Variants in PLXNA4 observed in about 807,000 individuals in gnomAD.
PLXNA4 encodes plexin-A4.
In PLXNA4, 44 loss-of-function variants were observed where a neutral mutation model predicts 191.8. That is an observed-to-expected ratio of 0.23 (90% CI 0.18 to 0.29). PLXNA4 has a LOEUF of 0.29. Among genes scored for constraint, PLXNA4 ranks in the 10% least tolerant of loss-of-function variants. The pLI is 1.00. For synonymous variants in PLXNA4, 1,082 were observed against 1,009.5 expected, an observed-to-expected ratio of 1.07 and a Z score of -1.36; for missense variants, 1,800 against 2,488.8, an observed-to-expected ratio of 0.72 and a Z score of 5.89.
Position 132,347,166 on chromosome 7 carries a change from G to T in PLXNA4, c.1372-48944C>A, listed in dbSNP as rs927770193. Among the ~76,000 whole-genome samples, 8 of 152,218 alleles carry T rather than the reference G, an allele frequency of 5.3e-5. No homozygotes were observed. The South Asian group carries it at 8.3e-4, about 16-fold the overall frequency. On this transcript the variant is annotated intron_variant, in intron 3 of 31. Transcript: ENST00000321063. ...TCCCTCTCCCCAGTGGAATAACTTG[G>T]ATTAAATAGCATCAAAGCACTCTCA...
At chr7:132,581,042 C>T (rs571988087), upstream of PLXNA4, among the ~76,000 whole-genome samples, 1 of 152,344 alleles carries the variant, frequency 6.6e-6, no homozygotes, top group South Asian at 2.1e-4. Context: ...CCACAGCACA[C>T]TCCAGCAGCC....
At chr7:132,459,420 A>G (rs535065677) in intron 3 of PLXNA4, among the ~76,000 whole-genome samples, 1 of 152,242 alleles carries the variant, frequency 6.6e-6, no homozygotes, top group South Asian at 2.1e-4. Context: ...GCTGGATGCA[A>G]GTGGATTGGC....
intron 1 of PLXNA4, among the ~76,000 whole-genome samples, chr7:132,548,188 G>C (rs1177024558): frequency 6.6e-6 from 1 of 152,190 alleles, no homozygotes; most frequent in African/African-American, 2.4e-5. Flanking sequence ...GGGGTTTGGA[G>C]AGTCCTGCTT....
At chr7:132,536,269 A>G (rs1799828112) in intron 1 of PLXNA4, among the ~76,000 whole-genome samples, 1 of 152,152 alleles carries the variant, frequency 6.6e-6, no homozygotes, top group African/African-American at 2.4e-5. Flanking sequence ...TGTTCTCCCT[A>G]GTAAGTTCAG....
chr7:132,269,979 A>G (rs991270551), intron 4 of PLXNA4, among the ~76,000 whole-genome samples: 3 of 152,206 alleles, frequency 2.0e-5, no homozygotes, highest in African/African-American at 7.2e-5. Context: ...AGGGATTGAC[A>G]GGAATAATAA....
intron 1 of PLXNA4, among the ~76,000 whole-genome samples, chr7:132,548,743 C>T (rs1028166031): frequency 3.3e-5 from 5 of 152,150 alleles, no homozygotes; most frequent in African/African-American, 1.2e-4. Flanking sequence ...TACTGGGCTA[C>T]ATTCCCAGAA....
At position 132,228,337 on chromosome 7, in the gene PLXNA4, G is replaced by A. The variant is rs368261983; in HGVS notation, c.1728+9C>T. ...CCCTGGACCCCACCCCAACCCCCACGACCCTTACCAGCACGTTGTACTGAG... is the reference window on the plus strand; with the variant it reads ...CCCTGGACCCCACCCCAACCCCCACAACCCTTACCAGCACGTTGTACTGAG... On this transcript the variant is annotated intron_variant, in intron 6 of 31. Coordinates refer to ENST00000321063, the MANE Select transcript of PLXNA4 (RefSeq NM_020911.2). 1.7e-4 allele frequency: 269 copies of A among 1,613,680 alleles called. No homozygotes were observed. The highest frequency in any genetic ancestry group is 2.2e-4 in the Non-Finnish European group (258 of 1,179,900).
intron 13 of PLXNA4, among the ~76,000 whole-genome samples, chr7:132,197,239 T>C (rs1359204302): frequency 6.6e-6 from 1 of 152,210 alleles, no homozygotes; most frequent in African/African-American, 2.4e-5. Flanking sequence ...TGGTGTGTAA[T>C]GTGGAATAAG....
intron 3 of PLXNA4, among the ~76,000 whole-genome samples, chr7:132,458,858 C>A (rs1796400479): frequency 2.0e-5 from 3 of 152,140 alleles, no homozygotes. Context: ...CTCTGCCAAG[C>A]CCATCCACTC....
chr7:132,181,552 G>C lies in PLXNA4; in HGVS notation c.3321C>G (p.His1107Gln), dbSNP rs1462734508. The change falls in exon 18 of 32, where the codon CAC becomes CAG. Residue 1107 changes from histidine (H) to glutamine (Q), a missense_variant. His to Gln is a conservative substitution (Grantham distance 24). Transcript: ENST00000321063. ...CGGGCCTCTCGGTCAGGTCTGACTGGTGGTCAGGACCCAGAGCGAGGGCGG... is the reference window on the plus strand; with the variant it reads ...CGGGCCTCTCGGTCAGGTCTGACTGCTGGTCAGGACCCAGAGCGAGGGCGG... ...QAPALALGPD[H>Q]QSDLTERPEE... 6.2e-7 allele frequency: 1 copy of C among 1,614,166 alleles called. No homozygotes were observed. Among genetic ancestry groups the C allele is most frequent in the East Asian group, 2.2e-5 (1 of 44,860 alleles).
intron 9 of PLXNA4, among the ~76,000 whole-genome samples, chr7:132,214,964 A>G (rs1797920016): frequency 6.6e-6 from 1 of 152,004 alleles, no homozygotes; most frequent in African/African-American, 2.4e-5. Flanking sequence ...CATTCAGCAA[A>G]TGTTTGTTCT....
intron 3 of PLXNA4, among the ~76,000 whole-genome samples, chr7:132,342,094 T>A (rs1226722249): frequency 6.6e-6 from 1 of 151,588 alleles, no homozygotes; most frequent in Non-Finnish European, 1.5e-5. Flanking sequence ...TCCTCTGGCA[T>A]CAATCTGGCT....
intron 30 of PLXNA4, among the ~76,000 whole-genome samples, chr7:132,133,606 G>A (rs1044192106): frequency 5.3e-5 from 8 of 152,090 alleles, no homozygotes; most frequent in East Asian, 3.9e-4. Flanking sequence ...TCTTCCGAGC[G>A]GTTGCTCTTC....
chr7:132,572,504 T>A (rs1802023327), intron 1 of PLXNA4, among the ~76,000 whole-genome samples: 1 of 152,180 alleles, frequency 6.6e-6, no homozygotes, highest in South Asian at 2.1e-4. Context: ...ACATAGGGAC[T>A]CAGGAAACTC....
At chr7:132,341,969 C>T (rs1803045987) in intron 3 of PLXNA4, among the ~76,000 whole-genome samples, 1 of 151,850 alleles carries the variant, frequency 6.6e-6, no homozygotes, top group Non-Finnish European at 1.5e-5. Flanking sequence ...TTCCAACATG[C>T]TTTTGGGTGA....
intron 4 of PLXNA4, among the ~76,000 whole-genome samples, chr7:132,280,869 T>C (rs1322439686): frequency 6.6e-6 from 1 of 152,186 alleles, no homozygotes; most frequent in Non-Finnish European, 1.5e-5. Flanking sequence ...TGATTTTGAC[T>C]GCACACTTCA....
chr7:132,250,343 T>A (rs1047033956), intron 4 of PLXNA4, among the ~76,000 whole-genome samples: 2 of 152,208 alleles, frequency 1.3e-5, no homozygotes, highest in African/African-American at 2.4e-5. Flanking sequence ...GAAAAGTGAA[T>A]GAATGCTTGC....
chr7:132,622,614 T>C (rs1321486694), intron 2 of PLXNA4, among the ~76,000 whole-genome samples: 1 of 152,012 alleles, frequency 6.6e-6, no homozygotes, highest in Non-Finnish European at 1.5e-5. Context: ...CATTTTCTGG[T>C]CCCCACTGTG....
Position 132,416,515 on chromosome 7 carries a change from A to G in PLXNA4, c.1371+72777T>C, listed in dbSNP as rs148223704. On this transcript the variant is annotated intron_variant, in intron 3 of 31. Coordinates refer to ENST00000321063, the MANE Select transcript of PLXNA4 (RefSeq NM_020911.2). ...CCTGTCATTCTGGGTTTTTCCCATCATCCTCATCCTTGATCCCTTCTGAGA... is the reference window on the plus strand; with the variant it reads ...CCTGTCATTCTGGGTTTTTCCCATCGTCCTCATCCTTGATCCCTTCTGAGA... Among the ~76,000 whole-genome samples, 16 of 152,256 alleles carry G rather than the reference A, an allele frequency of 1.1e-4. No individual in the cohort carries two copies. In the East Asian group the frequency reaches 2.5e-3, roughly 24 times the overall value.
Sources: gnomAD v4.1 joint callset for allele counts (sites outside exome capture counted in the v4.1 genomes callset) on GRCh38, gnomAD v4.1.1 for gene constraint, MANE v1.5 for transcripts, NCBI Gene and HGNC (gene_info 2026-07-23, HGNC 2026-07-21) for gene names.